The following AKAP12 variants were observed in gnomAD, a reference collection of about 807,000 sequenced individuals.
The protein encoded by AKAP12 is A-kinase anchoring protein 12, also known as A-kinase anchor protein 12.
A neutral mutation model predicts 79.9 loss-of-function variants in AKAP12; 32 were observed. That is an observed-to-expected ratio of 0.40 (90% CI 0.30 to 0.54). The LOEUF is 0.54. AKAP12 is among the 20% of genes least tolerant of loss of function. The pLI is 0.48. For synonymous variants in AKAP12, 808 were observed against 857.0 expected (o/e 0.94, Z 1.00); for missense variants, 2,074 against 2,177.0 (o/e 0.95, Z 0.94).
intron 2 of AKAP12, among the ~76,000 whole-genome samples, chr6:151,289,573 T>C (rs1776571730): frequency 6.6e-6 from 1 of 152,236 alleles, no homozygotes; most frequent in Non-Finnish European, 1.5e-5. Context: ...CTCTCCCTTT[T>C]TTTCTCAGTA....
At chr6:151,256,738 C>G (rs1797305663) in intron 2 of AKAP12, among the ~76,000 whole-genome samples, 1 of 151,904 alleles carries the variant, frequency 6.6e-6, no homozygotes, top group African/African-American at 2.4e-5. Flanking sequence ...CAACCTCCAC[C>G]TCCCAGGTTC....
chr6:151,266,573 C>T (rs1776033599), intron 2 of AKAP12, among the ~76,000 whole-genome samples: 1 of 152,186 alleles, frequency 6.6e-6, no homozygotes, highest in Non-Finnish European at 1.5e-5. Flanking sequence ...AATTTGGCAA[C>T]ATGTCTCACC....
chr6:151,353,742 ACAT>A lies in AKAP12; in HGVS notation c.*6_*8del. On this transcript the variant is annotated 3_prime_UTR_variant, in exon 4 of 5. Transcript: ENST00000402676. ...AAGTCAGAACTTACAGAATCTTAAAACATCATGCAGGTAAGCTTCCTTGTCTTC... is the reference window on the plus strand; with the variant it reads ...AAGTCAGAACTTACAGAATCTTAAAACATGCAGGTAAGCTTCCTTGTCTTC... 1.3e-6 allele frequency: 2 copies of A among 1,561,716 alleles called. No homozygotes were observed. The highest frequency in any genetic ancestry group is 8.7e-7 in the Non-Finnish European group (1 of 1,155,734).
chr6:151,326,821 T>TTG (rs3029374), intron 3 of AKAP12, among the ~76,000 whole-genome samples: 47,313 of 151,386 alleles, frequency 0.31, 7,838 homozygotes, highest in East Asian at 0.59. Flanking sequence ...TTTGTTTGTT[T>TTG]TTTGTTTGTT....
intron 2 of AKAP12, among the ~76,000 whole-genome samples, chr6:151,305,431 G>A (rs1270183390): frequency 1.3e-5 from 2 of 152,114 alleles, no homozygotes; most frequent in African/African-American, 4.8e-5. Context: ...AAAGCTCTGG[G>A]AAACACATCT....
chr6:151,262,452 C>T (rs141920260), intron 2 of AKAP12, among the ~76,000 whole-genome samples: 4 of 152,292 alleles, frequency 2.6e-5, no homozygotes, highest in Admixed American at 6.5e-5. Context: ...TGGGTGTCCT[C>T]TAAGAAATGC....
intron 2 of AKAP12, among the ~76,000 whole-genome samples, chr6:151,271,199 C>T (rs2114711210): frequency 6.6e-6 from 1 of 152,204 alleles, no homozygotes; most frequent in African/African-American, 2.4e-5. Context: ...TTTGTTGTTG[C>T]TGAACTTTTT....
At chr6:151,254,099 T>A (rs1444892157) in intron 2 of AKAP12, among the ~76,000 whole-genome samples, 1 of 152,242 alleles carries the variant, frequency 6.6e-6, no homozygotes, top group African/African-American at 2.4e-5. Context: ...TTGTTCTTGT[T>A]CTGCTCTGTT....
chr6:151,275,103 C>A (rs1278760935), intron 2 of AKAP12, among the ~76,000 whole-genome samples: 1 of 151,388 alleles, frequency 6.6e-6, no homozygotes, highest in African/African-American at 2.4e-5. Context: ...GACCCTGTCT[C>A]AAAAAAAAAA....
At chr6:151,334,552 G>T (rs1777762032) in intron 3 of AKAP12, among the ~76,000 whole-genome samples, 1 of 151,464 alleles carries the variant, frequency 6.6e-6, no homozygotes, top group Non-Finnish European at 1.5e-5. Context: ...CTGACATCAT[G>T]CCACTGTACT....
At chr6:151,338,811 T>C (rs1582892167) in intron 3 of AKAP12, among the ~76,000 whole-genome samples, 1 of 152,210 alleles carries the variant, frequency 6.6e-6, no homozygotes, top group East Asian at 1.9e-4. Context: ...TCTCAGGGTA[T>C]TGCACGCGGT....
intron 2 of AKAP12, among the ~76,000 whole-genome samples, chr6:151,277,647 A>G (rs373087711): frequency 2.0e-5 from 3 of 152,190 alleles, no homozygotes; most frequent in South Asian, 2.1e-4. Flanking sequence ...CTTGCCTCCT[A>G]TTTTGTATTT....
intron 2 of AKAP12, among the ~76,000 whole-genome samples, chr6:151,301,000 T>C (rs1381759883): frequency 6.6e-6 from 1 of 152,214 alleles, no homozygotes; most frequent in Non-Finnish European, 1.5e-5. Context: ...GATAAAGCTA[T>C]GCGAGGAAGC....
At chr6:151,305,657 C>T in intron 2 of AKAP12, 90 bp from the exon 3 acceptor site, 1 of 1,268,274 alleles carries the variant, frequency 7.9e-7, no homozygotes, top group Non-Finnish European at 1.1e-6. Flanking sequence ...TTTCTTCTTT[C>T]ACTGGTTTGT....
At chr6:151,251,868 G>A (rs761194261) in intron 2 of AKAP12, among the ~76,000 whole-genome samples, 75 of 152,080 alleles carry the variant, frequency 4.9e-4, no homozygotes, top group Non-Finnish European at 3.4e-4. Context: ...ATGGTGGCAC[G>A]CGCCTGTAGT....
chr6:151,342,789 A>G lies in AKAP12; in HGVS notation c.320-5922A>G, dbSNP rs576751624. ...CTGTTCAGTAACAGCTACCTTAGAT[A>G]CTGATGGCAGTCGCCCAGGCTGGAG... On this transcript the variant is annotated intron_variant, in intron 3 of 4. Coordinates refer to ENST00000402676, the MANE Select transcript of AKAP12 (RefSeq NM_005100.4). Among the ~76,000 whole-genome samples, 14 of 152,276 alleles carry G rather than the reference A, an allele frequency of 9.2e-5. No homozygotes were observed. The East Asian group carries it at 2.7e-3, about 29-fold the overall frequency.
chr6:151,252,699 G>T (rs1359195872), intron 2 of AKAP12, among the ~76,000 whole-genome samples: 1 of 142,140 alleles, frequency 7.0e-6, no homozygotes. Context: ...TTTGAGACCA[G>T]CCTGGACAAG....
At position 151,351,417 on chromosome 6, in the gene AKAP12, T is replaced by G; in HGVS notation, c.3026T>G (p.Leu1009Ter). Reference sequence around the variant, plus strand: ...GAAATGGTGTCAGCAGTCTCCCAGTTAACCGACTCCCCAGACACCACAGAG... The same window carrying G: ...GAAATGGTGTCAGCAGTCTCCCAGTGAACCGACTCCCCAGACACCACAGAG... ...TTEMVSAVSQ[L>*]TDSPDTTEEA... Residue 1009 changes from leucine (L) to a stop codon, truncating the protein, a stop_gained, in exon 4 of 5, where the codon TTA (leucine) becomes TGA (stop). Transcript: ENST00000402676. LOFTEE classifies it high-confidence loss of function. The surrounding 1 kb of genome is among the most constrained non-coding windows in gnomAD (Gnocchi z 4.4). 6.2e-7 allele frequency: 1 copy of G among 1,614,150 alleles called. No individual in the cohort carries two copies. Among genetic ancestry groups the G allele is most frequent in the South Asian group, 1.1e-5 (1 of 91,082 alleles).
At chr6:151,339,904 C>T (rs1777904664) in intron 3 of AKAP12, among the ~76,000 whole-genome samples, 1 of 151,962 alleles carries the variant, frequency 6.6e-6, no homozygotes, top group South Asian at 2.1e-4. Context: ...CGTGTATTTT[C>T]ATGGCCTGAT....
Sources: allele counts gnomAD v4.1 joint callset (sites outside exome capture counted in the v4.1 genomes callset), GRCh38; gene constraint gnomAD v4.1.1; non-coding constraint Gnocchi (gnomAD v3.1); transcripts MANE v1.5; gene names NCBI Gene and HGNC (gene_info 2026-07-23, HGNC 2026-07-21).